The following MIOS variants were observed in gnomAD, a reference collection of about 807,000 sequenced individuals.
MIOS encodes GATOR2 complex protein MIOS.
A neutral mutation model predicts 96.9 loss-of-function variants in MIOS; 52 were observed. That is an observed-to-expected ratio of 0.54 (90% CI 0.43 to 0.68). MIOS has a LOEUF of 0.68. MIOS is among the 30% of genes least tolerant of loss of function. The probability of loss-of-function intolerance (pLI) is 0.00; values close to 1 mark genes in which losing one functional copy is unlikely to be tolerated. For synonymous variants in MIOS, 397 were observed against 359.5 expected, an observed-to-expected ratio of 1.10 and a Z score of -1.18; for missense variants, 1,005 against 1,052.8, an observed-to-expected ratio of 0.95 and a Z score of 0.63.
In MIOS at chr7:7,573,328, A is replaced by G; in HGVS notation, c.853A>G (p.Thr285Ala). 6.2e-7 allele frequency: 1 copy of G among 1,614,136 alleles called. No individual in the cohort carries two copies. Among genetic ancestry groups the G allele is most frequent in the Non-Finnish European group, 8.5e-7 (1 of 1,179,966 alleles). ...TCCCACTAGGACTGGTCTACTTGCC[A>G]CTTTAACAAGGGATAGTAATATTAT... ...WCPTRTGLLATLTRDSNIIRL... is the reference protein window; with the variant it reads ...WCPTRTGLLAALTRDSNIIRL... Residue 285 changes from threonine (T) to alanine (A), a missense_variant, in exon 4 of 13, where the codon ACT becomes GCT. Coordinates refer to ENST00000340080, the MANE Select transcript of MIOS (RefSeq NM_019005.4). This position sits in a 1 kb window ranked among gnomAD's most constrained non-coding sequence, Gnocchi z 5.0.
In MIOS at chr7:7,588,508, A is replaced by C; in HGVS notation, c.1829A>C (p.Lys610Thr). ...TTCTCTTCTTTCCAGTATGAAAACA[A>C]AGTTGCAGTACGTGACAGAGTGGCA... The part of the protein sequence containing the change: ...GSYDGVLYEN[K>T]VAVRDRVAFA... Residue 610 changes from lysine (K) to threonine (T), a missense_variant, in exon 8 of 13, where the codon AAA becomes ACA. Coordinates refer to ENST00000340080, the MANE Select transcript of MIOS (RefSeq NM_019005.4). 6.3e-7 allele frequency: 1 copy of C among 1,582,294 alleles called. No individual in the cohort carries two copies. Among genetic ancestry groups the C allele is most frequent in the Non-Finnish European group, 8.6e-7 (1 of 1,162,746 alleles).
chr7:7,582,434 A>G (rs186803958), intron 5 of MIOS, among the ~76,000 whole-genome samples: 2 of 152,218 alleles, frequency 1.3e-5, no homozygotes, highest in African/African-American at 2.4e-5. Context: ...CATTAGGATC[A>G]ACTGCCTTGA....
At chr7:7,568,960 T>C (rs1368835525) in intron 3 of MIOS, among the ~76,000 whole-genome samples, 2 of 152,246 alleles carry the variant, frequency 1.3e-5, no homozygotes, top group African/African-American at 4.8e-5. Flanking sequence ...AATTTTATGC[T>C]AAAACTCGTA....
At chr7:7,605,493 C>T (rs1435000893) in intron 11 of MIOS, 1 of 152,632 alleles carries the variant, frequency 6.6e-6, no homozygotes, top group Admixed American at 6.5e-5. Flanking sequence ...CGGAGTTTCA[C>T]CATGTTGGCC....
rs1783848482 is a variant in MIOS, at chr7:7,585,272, G to C, written c.1649-364G>C. Among the ~76,000 whole-genome samples the C allele has an allele frequency of 2.0e-5, 3 of 152,128 alleles. No individual in the cohort carries two copies. In the South Asian group the frequency reaches 6.2e-4, roughly 31 times the overall value. Reference sequence around the variant, plus strand: ...ACAGGAATAACTTATATAAGACCCTGCCTGGATTGAGAACTTGAAAAGTAA... The same window carrying C: ...ACAGGAATAACTTATATAAGACCCTCCCTGGATTGAGAACTTGAAAAGTAA... On this transcript the variant is annotated intron_variant, in intron 6 of 12. Transcript: ENST00000340080.
intron 6 of MIOS, among the ~76,000 whole-genome samples, chr7:7,584,392 G>C (rs554611087): frequency 7.8e-4 from 118 of 152,164 alleles, no homozygotes; most frequent in African/African-American, 2.6e-3. Context: ...TGGGAAATTT[G>C]GTGGTCGATT....
At chr7:7,580,979 G>GC (rs1351664338) in intron 5 of MIOS, among the ~76,000 whole-genome samples, 17 of 149,532 alleles carry the variant, frequency 1.1e-4, no homozygotes, top group African/African-American at 4.2e-4. Flanking sequence ...GAGCCACGGT[G>GC]CCTGGCCTAA....
chr7:7,579,051 C>T (rs28422034), intron 5 of MIOS, among the ~76,000 whole-genome samples: 4,374 of 152,200 alleles, frequency 0.029, 207 homozygotes, highest in African/African-American at 0.099. Context: ...TTGTTTTCCT[C>T]GCAGCCATCA....
intron 11 of MIOS, among the ~76,000 whole-genome samples, chr7:7,597,018 G>A (rs1443018402): frequency 4.6e-5 from 7 of 152,010 alleles, no homozygotes; most frequent in Admixed American, 4.6e-4. Context: ...AAAATAGTGA[G>A]ACCCCATCTC....
chr7:7,594,885 T>C, intron 9 of MIOS, 95 bp from the exon 10 acceptor site: 1 of 831,740 alleles, frequency 1.2e-6, no homozygotes, highest in Non-Finnish European at 1.7e-6. Context: ...AAAGGCCTAT[T>C]TCTTCTGTGT....
At chr7:7,596,548 C>G (rs1480618041) in intron 11 of MIOS, 87 bp downstream of exon 11, 2 of 1,276,380 alleles carry the variant, frequency 1.6e-6, no homozygotes, top group Non-Finnish European at 2.2e-6. Flanking sequence ...TACAAACTAG[C>G]TAGAGTTATT....
rs147527765 is a variant in MIOS at position 7,580,129 on chromosome 7, C to T, written c.1394-2989C>T. On this transcript the variant is annotated intron_variant, in intron 5 of 12. Coordinates refer to ENST00000340080, the MANE Select transcript of MIOS (RefSeq NM_019005.4). ...ATATGAAAATACACACCTTATAATACATCTCAGCCTCTACCTGAAATTAAA... is the reference window on the plus strand; with the variant it reads ...ATATGAAAATACACACCTTATAATATATCTCAGCCTCTACCTGAAATTAAA... Among the ~76,000 whole-genome samples, 704 of 152,292 alleles carry T rather than the reference C, an allele frequency of 4.6e-3. 5 individuals are homozygous for T. The highest frequency in any genetic ancestry group is 0.016 in the African/African-American group (672 of 41,554).
chr7:7,598,709 C>G lies in MIOS; in HGVS notation c.2401+2248C>G, dbSNP rs185803391. 1.2e-3 allele frequency among the ~76,000 whole-genome samples: 176 copies of G among 152,254 alleles called. 1 individual carries two copies. Among genetic ancestry groups the G allele is most frequent in the Non-Finnish European group, 2.3e-3 (159 of 67,988 alleles). On this transcript the variant is annotated intron_variant, in intron 11 of 12. Coordinates refer to ENST00000340080, the MANE Select transcript of MIOS (RefSeq NM_019005.4). ...GCTATAAGGATTATTTGCATTCTTA[C>G]ACCTGGGCACTCTTCCTTTTTGCTG...
chr7:7,586,617 C>T (rs1783894684), intron 7 of MIOS, among the ~76,000 whole-genome samples: 1 of 152,098 alleles, frequency 6.6e-6, no homozygotes, highest in Non-Finnish European at 1.5e-5. Flanking sequence ...AAGGATTAGT[C>T]CCTAAGAATT....
chr7:7,586,712 A>C (rs948263597), intron 7 of MIOS, among the ~76,000 whole-genome samples: 1 of 152,178 alleles, frequency 6.6e-6, no homozygotes, highest in Non-Finnish European at 1.5e-5. Flanking sequence ...TATTACTTTT[A>C]ATAAATTACT....
intron 5 of MIOS, 48 bp from the exon 6 acceptor site, chr7:7,583,070 C>T: frequency 2.0e-6 from 3 of 1,535,442 alleles, no homozygotes; most frequent in Middle Eastern, 1.8e-4. Context: ...ACTTACTTTC[C>T]AAATATATTT....
chr7:7,576,444 T>C (rs1191206773), intron 5 of MIOS, among the ~76,000 whole-genome samples: 1 of 152,174 alleles, frequency 6.6e-6, no homozygotes, highest in Non-Finnish European at 1.5e-5. Flanking sequence ...GGACTCCTAA[T>C]CTGGTTGCAG....
In MIOS at chr7:7,595,058, A is replaced by C; in HGVS notation, c.2122A>C (p.Arg708=). 6.2e-7 allele frequency: 1 copy of C among 1,613,990 alleles called. No individual in the cohort carries two copies. Among genetic ancestry groups the C allele is most frequent in the Non-Finnish European group, 8.5e-7 (1 of 1,179,916 alleles). ...TTATAGAAATTTATTAGATGCCTGG[A>C]GGTTTTGGCATAAACGAGCTGAATT... ...ENYRNLLDAW[R]FWHKRAEFDI... Residue 708 remains arginine (R), a synonymous_variant, in exon 10 of 13, where the codon AGG becomes CGG. Coordinates refer to ENST00000340080, the MANE Select transcript of MIOS (RefSeq NM_019005.4).
At chr7:7,591,285 A>AT (rs1343650593) in intron 9 of MIOS, among the ~76,000 whole-genome samples, 2 of 131,426 alleles carry the variant, frequency 1.5e-5, no homozygotes, top group Admixed American at 1.8e-4. Flanking sequence ...GTGATGTTTC[A>AT]TTTTTTGTTG....
Sources: gnomAD v4.1 joint callset for allele counts (sites outside exome capture counted in the v4.1 genomes callset) on GRCh38, gnomAD v4.1.1 for gene constraint, Gnocchi (gnomAD v3.1) non-coding constraint, MANE v1.5 for transcripts, NCBI Gene and HGNC (gene_info 2026-07-23, HGNC 2026-07-21) for gene names.